Variants in XYLT1 observed in about 807,000 individuals in gnomAD.
The protein encoded by XYLT1 is xylosyltransferase 1, also known as beta-D-xylosyltransferase 1.
In XYLT1, 36 loss-of-function variants were observed where a neutral mutation model predicts 91.3. The observed-to-expected ratio is 0.39, with a 90% confidence interval of 0.30 to 0.52. The LOEUF (loss-of-function observed/expected upper bound fraction) is 0.52. Among genes scored for constraint, XYLT1 ranks in the 20% least tolerant of loss-of-function variants. XYLT1 has a pLI of 0.68. For missense variants in XYLT1, 1,242 were observed against 1,284.5 expected (o/e 0.97, Z 0.51); for synonymous variants, 588 against 532.0 (o/e 1.11, Z -1.45).
intron 2 of XYLT1, among the ~76,000 whole-genome samples, chr16:17,275,182 TAAAC>T (rs1310640796): frequency 6.6e-6 from 1 of 151,942 alleles, no homozygotes; most frequent in Non-Finnish European, 1.5e-5. Context: ...ATCTCAAAAA[TAAAC>T]AAACACATCA....
At position 17,312,110 on chromosome 16, in the gene XYLT1, G is replaced by C. The variant is rs1403705254; in HGVS notation, c.402+45902C>G. 1.3e-5 allele frequency among the ~76,000 whole-genome samples: 2 copies of C among 152,148 alleles called. No individual in the cohort carries two copies. Among genetic ancestry groups the C allele is most frequent in the African/African-American group, 2.4e-5 (1 of 41,430 alleles). On this transcript the variant is annotated intron_variant, in intron 2 of 11. Transcript: ENST00000261381. This position sits in a 1 kb window ranked among gnomAD's most constrained non-coding sequence, Gnocchi z 4.4. Reference sequence around the variant, plus strand: ...TCTAGAAGAGTCAAGGTGTGAGCTGGAGGATGAAAAAGAGCTTGCCGACAG... The same window carrying C: ...TCTAGAAGAGTCAAGGTGTGAGCTGCAGGATGAAAAAGAGCTTGCCGACAG...
chr16:17,286,331 A>G (rs566465826), intron 2 of XYLT1, among the ~76,000 whole-genome samples: 225 of 152,302 alleles, frequency 1.5e-3, no homozygotes, highest in African/African-American at 4.5e-3. Flanking sequence ...ATAAATAATC[A>G]TGGAAGGGGA....
In XYLT1 at chr16:17,168,950, C is replaced by T. The variant is rs539398819; in HGVS notation, c.1290-10041G>A. 4.6e-5 allele frequency among the ~76,000 whole-genome samples: 7 copies of T among 152,358 alleles called. No individual in the cohort carries two copies. In the East Asian group the frequency reaches 7.7e-4, roughly 17 times the overall value. The stretch of plus-strand genomic sequence containing the variant: ...GTTGTTTGTGACCCGGCACTGCCTA[C>T]TCAATCTTTGGAATTACTTGAAGTT... On this transcript the variant is annotated intron_variant, in intron 5 of 11. Transcript: ENST00000261381.
chr16:17,253,777 A>G (rs532136604), intron 3 of XYLT1, among the ~76,000 whole-genome samples: 4 of 149,234 alleles, frequency 2.7e-5, no homozygotes, highest in African/African-American at 9.9e-5. Flanking sequence ...CAGCATCAGC[A>G]CCCCTGGCTT....
chr16:17,400,523 G>A (rs1487559329), intron 1 of XYLT1, among the ~76,000 whole-genome samples: 1 of 150,408 alleles, frequency 6.6e-6, no homozygotes, highest in African/African-American at 2.4e-5. Context: ...CTGGGAGGCG[G>A]AGGTTACAGT....
intron 2 of XYLT1, among the ~76,000 whole-genome samples, chr16:17,336,604 C>T (rs2034982775): frequency 6.6e-6 from 1 of 152,078 alleles, no homozygotes; most frequent in South Asian, 2.1e-4. Flanking sequence ...GAGAAAACCT[C>T]CTCCTCCTAG....
chr16:17,429,785 C>T (rs959937587), intron 1 of XYLT1, among the ~76,000 whole-genome samples: 5 of 152,074 alleles, frequency 3.3e-5, no homozygotes, highest in East Asian at 1.9e-4. Context: ...CAGCTCAGAC[C>T]GGGATTTACA....
chr16:17,297,340 GA>G (rs2034326347), intron 2 of XYLT1, among the ~76,000 whole-genome samples: 1 of 152,064 alleles, frequency 6.6e-6, no homozygotes, highest in Non-Finnish European at 1.5e-5. Context: ...GCCAAGGCAG[GA>G]GGATCACTTG....
intron 10 of XYLT1, among the ~76,000 whole-genome samples, chr16:17,122,304 T>C (rs2030091207): frequency 1.3e-5 from 2 of 152,216 alleles, no homozygotes; most frequent in African/African-American, 4.8e-5. Flanking sequence ...AGGAGTAAGG[T>C]GGTATTGCAT....
In XYLT1 at chr16:17,108,701, G is replaced by A; in HGVS notation, c.2874C>T (p.Leu958=). 6.4e-7 allele frequency: 1 copy of A among 1,573,772 alleles called. No individual in the cohort carries two copies. Among genetic ancestry groups the A allele is most frequent in the Non-Finnish European group, 8.6e-7 (1 of 1,161,218 alleles). ...CCACTCCTCGTGCCCAGTGCTACCTGAGCCGGCCATCAGGTTTGACTGCCC... is the reference window on the plus strand; with the variant it reads ...CCACTCCTCGTGCCCAGTGCTACCTAAGCCGGCCATCAGGTTTGACTGCCC... ...ELGAVKPDGR[L]R Residue 958 remains leucine (L), a synonymous_variant, in exon 12 of 12, where the codon CTC becomes CTT. Coordinates refer to ENST00000261381, the MANE Select transcript of XYLT1 (RefSeq NM_022166.4).
At chr16:17,439,878 T>A (rs2036510982) in intron 1 of XYLT1, among the ~76,000 whole-genome samples, 1 of 152,084 alleles carries the variant, frequency 6.6e-6, no homozygotes, top group South Asian at 2.1e-4. Context: ...CCCACCCAAA[T>A]CCATCCGGAA....
chr16:17,210,415 A>G (rs1219253588), intron 3 of XYLT1, among the ~76,000 whole-genome samples: 5 of 152,288 alleles, frequency 3.3e-5, no homozygotes, highest in African/African-American at 4.8e-5. Context: ...TGTCTCTACT[A>G]AAAATGCAAA....
At chr16:17,221,283 C>A (rs1380441355) in intron 3 of XYLT1, among the ~76,000 whole-genome samples, 5 of 152,046 alleles carry the variant, frequency 3.3e-5, no homozygotes, top group Non-Finnish European at 7.4e-5. Flanking sequence ...ACACACTGAC[C>A]CTGCCAGAAA....
In XYLT1 at chr16:17,105,445, A is replaced by G. The variant is rs1966761026; in HGVS notation, c.*3250T>C. On this transcript the variant is annotated 3_prime_UTR_variant, in exon 12 of 12. Coordinates refer to ENST00000261381, the MANE Select transcript of XYLT1 (RefSeq NM_022166.4). ...AGCCTTTTTTTTCCCCTGCAAAGGG[A>G]GAAAGCAGCGCGCTTCTCACAACAC... 6.6e-6 allele frequency: 1 copy of G among 152,188 alleles called. No individual in the cohort carries two copies. The highest frequency in any genetic ancestry group is 1.5e-5 in the Non-Finnish European group (1 of 68,044). The allele number at this position is 152,188 out of a possible 1,614,324, so 9.4% of individuals were successfully genotyped here.
chr16:17,436,933 C>A (rs2036466091), intron 1 of XYLT1, among the ~76,000 whole-genome samples: 1 of 152,224 alleles, frequency 6.6e-6, no homozygotes, highest in African/African-American at 2.4e-5. Context: ...AAAGTCCACA[C>A]AGCCATGCAT....
intron 10 of XYLT1, among the ~76,000 whole-genome samples, chr16:17,124,191 G>C (rs888453455): frequency 9.9e-5 from 15 of 152,236 alleles, no homozygotes; most frequent in Admixed American, 9.2e-4. Flanking sequence ...GAATACCTTG[G>C]TTTGTTTCAT....
intron 1 of XYLT1, among the ~76,000 whole-genome samples, chr16:17,469,796 G>A (rs949094019): frequency 2.0e-5 from 3 of 152,178 alleles, no homozygotes; most frequent in Admixed American, 6.5e-5. Context: ...AAGTCACAGA[G>A]GGCATGGGAG....
chr16:17,263,574 G>C (rs759384387), intron 2 of XYLT1, among the ~76,000 whole-genome samples: 2 of 151,748 alleles, frequency 1.3e-5, no homozygotes, highest in Non-Finnish European at 2.9e-5. Context: ...ATACTAGATC[G>C]CTTCCAGAAA....
intron 1 of XYLT1, among the ~76,000 whole-genome samples, chr16:17,359,135 A>G (rs1376883248): frequency 6.6e-6 from 1 of 152,206 alleles, no homozygotes. Context: ...TGTCTATACC[A>G]CGTCTGCTCT....
Sources: gnomAD v4.1 joint callset for allele counts (sites outside exome capture counted in the v4.1 genomes callset) on GRCh38, gnomAD v4.1.1 for gene constraint, Gnocchi (gnomAD v3.1) non-coding constraint, MANE v1.5 for transcripts, NCBI Gene and HGNC (gene_info 2026-07-23, HGNC 2026-07-21) for gene names.